Variants in KCNMA1 observed in about 807,000 individuals in gnomAD.
KCNMA1 encodes the protein Calcium-activated potassium channel subunit alpha-1.
A neutral mutation model predicts 140.0 loss-of-function variants in KCNMA1; 29 were observed. The ratio of observed to expected loss-of-function variants is 0.21; its 90% CI spans 0.15 to 0.28. KCNMA1 has a LOEUF of 0.28. Ranked by LOEUF, KCNMA1 falls within the 10% of genes least tolerant of loss-of-function variation. KCNMA1 has a pLI of 1.00. For missense variants in KCNMA1, 880 were observed against 1,602.2 expected (o/e 0.55, Z 7.70); for synonymous variants, 612 against 611.9 (o/e 1.00, Z 0.00).
At chr10:76,889,883 G>T in intron 26 of KCNMA1, 2 of 406,230 alleles carry the variant, frequency 4.9e-6, no homozygotes, top group Non-Finnish European at 9.3e-6. Context: ...TGTAAAGCTT[G>T]ATGGTCTCAG....
intron 14 of KCNMA1, among the ~76,000 whole-genome samples, chr10:77,053,616 G>A (rs1437761950): frequency 6.6e-6 from 1 of 152,146 alleles, no homozygotes; most frequent in East Asian, 1.9e-4. Flanking sequence ...AAAAGTGTTG[G>A]CAACACAAAA....
At chr10:77,175,553 C>A (rs549554155) in intron 5 of KCNMA1, among the ~76,000 whole-genome samples, 1 of 152,304 alleles carries the variant, frequency 6.6e-6, no homozygotes, top group East Asian at 1.9e-4. Flanking sequence ...ATCATGGAAG[C>A]TGCAGTCCTA....
At position 77,184,806 on chromosome 10, in the gene KCNMA1, A is replaced by C; in HGVS notation, c.696+17T>G. 6.7e-7 allele frequency: 1 copy of C among 1,503,452 alleles called. No individual in the cohort carries two copies. The highest frequency in any genetic ancestry group is 9.3e-7 in the Non-Finnish European group (1 of 1,079,850). 93.1% of individuals were successfully genotyped at this position (1,503,452 alleles called of 1,614,324 possible). Reference sequence around the variant, plus strand: ...AAACACCCCATTGTGATACTGAACAATGTTGCACAAACTTACCCGCAAGCC... The same window carrying C: ...AAACACCCCATTGTGATACTGAACACTGTTGCACAAACTTACCCGCAAGCC... On this transcript the variant is annotated intron_variant, in intron 4 of 27. Transcript: ENST00000286628.
intron 1 of KCNMA1, among the ~76,000 whole-genome samples, chr10:77,582,054 A>T (rs1418902921): frequency 6.6e-6 from 1 of 152,178 alleles, no homozygotes; most frequent in Non-Finnish European, 1.5e-5. Flanking sequence ...TCCAATATAC[A>T]TATTTTCCCA....
intron 23 of KCNMA1, among the ~76,000 whole-genome samples, chr10:76,928,629 T>C (rs2058444380): frequency 6.6e-6 from 1 of 152,218 alleles, no homozygotes; most frequent in South Asian, 2.1e-4. Flanking sequence ...TTTAGGCAAC[T>C]ATAAGGACTT....
At chr10:77,131,978 A>AAAAG (rs1190558889) in intron 5 of KCNMA1, among the ~76,000 whole-genome samples, 1 of 151,308 alleles carries the variant, frequency 6.6e-6, no homozygotes, top group African/African-American at 2.4e-5. Flanking sequence ...AAAAAAAAAA[A>AAAAG]AAAAGAAAAG....
chr10:76,986,604 C>T (rs143550101), intron 19 of KCNMA1, among the ~76,000 whole-genome samples: 1 of 152,172 alleles, frequency 6.6e-6, no homozygotes, highest in Non-Finnish European at 1.5e-5. Flanking sequence ...GGGGGCTTAC[C>T]CTGCCTAGAT....
intron 3 of KCNMA1, among the ~76,000 whole-genome samples, chr10:77,197,884 A>G (rs1164455879): frequency 1.3e-5 from 2 of 152,166 alleles, no homozygotes; most frequent in Admixed American, 6.5e-5. Flanking sequence ...ACAGGCAGAA[A>G]AATGTTCAAA....
intron 1 of KCNMA1, among the ~76,000 whole-genome samples, chr10:77,476,990 A>G (rs913735278): frequency 6.6e-6 from 1 of 152,230 alleles, no homozygotes; most frequent in Non-Finnish European, 1.5e-5. Flanking sequence ...TGACAGGTGA[A>G]AACATTTTTA....
intron 1 of KCNMA1, among the ~76,000 whole-genome samples, chr10:77,489,361 G>A (rs990570939): frequency 1.3e-5 from 2 of 151,496 alleles, no homozygotes; most frequent in African/African-American, 2.4e-5. Context: ...TTGAGATGGA[G>A]TCTCACTCTT....
intron 1 of KCNMA1, among the ~76,000 whole-genome samples, chr10:77,541,568 G>A (rs1396689373): frequency 1.3e-5 from 2 of 152,082 alleles, no homozygotes; most frequent in Non-Finnish European, 2.9e-5. Flanking sequence ...TTGAAACTAC[G>A]TGACTCTATT....
At chr10:77,524,301 C>T (rs1305847017) in intron 1 of KCNMA1, among the ~76,000 whole-genome samples, 1 of 152,048 alleles carries the variant, frequency 6.6e-6, no homozygotes, top group East Asian at 1.9e-4. Context: ...TGTGAGATGT[C>T]GAAGGAGAAC....
intron 1 of KCNMA1, among the ~76,000 whole-genome samples, chr10:77,478,672 T>G (rs1411234810): frequency 6.6e-6 from 1 of 152,240 alleles, no homozygotes; most frequent in Non-Finnish European, 1.5e-5. Context: ...CTCTTTTTGC[T>G]ATTTCAGATG....
intron 5 of KCNMA1, among the ~76,000 whole-genome samples, chr10:77,138,152 G>T (rs1350709342): frequency 6.6e-6 from 1 of 152,188 alleles, no homozygotes; most frequent in Admixed American, 6.5e-5. Context: ...GCACAGGGGT[G>T]AGGCTCCTGC....
chr10:77,431,681 T>TTAAAAA (rs1430096519), intron 1 of KCNMA1, among the ~76,000 whole-genome samples: 2 of 75,438 alleles, frequency 2.7e-5, no homozygotes, highest in African/African-American at 9.7e-5. Flanking sequence ...TGGTCTGTTG[T>TTAAAAA]AAAAAAAAAA....
At chr10:77,056,224 AC>A (rs2095536376) in intron 14 of KCNMA1, among the ~76,000 whole-genome samples, 1 of 152,278 alleles carries the variant, frequency 6.6e-6, no homozygotes, top group East Asian at 1.9e-4. Context: ...TACTAAAAAT[AC>A]AAAAATTAGC....
chr10:77,330,527 C>T (rs959603351), intron 2 of KCNMA1, among the ~76,000 whole-genome samples: 2 of 152,332 alleles, frequency 1.3e-5, no homozygotes, highest in East Asian at 3.9e-4. Flanking sequence ...GCAATGACCC[C>T]TCCTTATCTG....
chr10:76,962,894 T>C (rs536148933), intron 20 of KCNMA1, among the ~76,000 whole-genome samples: 6 of 152,256 alleles, frequency 3.9e-5, no homozygotes, highest in African/African-American at 1.4e-4. Flanking sequence ...GAGAACCCAT[T>C]TACCTCTGAT....
chr10:77,153,669 CT>C (rs1229910454), intron 5 of KCNMA1, among the ~76,000 whole-genome samples: 7 of 152,138 alleles, frequency 4.6e-5, no homozygotes, highest in Admixed American at 2.6e-4. Context: ...GCCTCACCTC[CT>C]TTTTTAATGA....
Sources: allele counts gnomAD v4.1 joint callset (sites outside exome capture counted in the v4.1 genomes callset), GRCh38; gene constraint gnomAD v4.1.1; transcripts MANE v1.5; gene names NCBI Gene and HGNC (gene_info 2026-07-23, HGNC 2026-07-21).